Variants in MYOM3 observed in about 807,000 individuals in gnomAD.
MYOM3 encodes myomesin-3.
A neutral mutation model predicts 191.7 loss-of-function variants in MYOM3; 155 were observed. The ratio of observed to expected loss-of-function variants is 0.81; its 90% confidence interval spans 0.71 to 0.92. The LOEUF (loss-of-function observed/expected upper bound fraction) is 0.92. MYOM3 is among the 40% of genes least tolerant of loss of function. MYOM3 has a pLI of 0.00. For missense variants in MYOM3, 1,889 were observed against 1,890.6 expected (o/e 1.00, Z 0.02); for synonymous variants, 757 against 762.9 (o/e 0.99, Z 0.13).
intron 9 of MYOM3, 90 bp from the exon 10 acceptor site, chr1:24,093,198 G>T: frequency 3.7e-6 from 3 of 813,074 alleles, no homozygotes; most frequent in Non-Finnish European, 4.1e-6. Context: ...GGAGACCCTG[G>T]CTGGGCAGAG....
chr1:24,105,738 C>T (rs116486548), intron 5 of MYOM3, among the ~76,000 whole-genome samples, 182 bp downstream of exon 5: 2,416 of 152,252 alleles, frequency 0.016, 66 homozygotes, highest in African/African-American at 0.056. Flanking sequence ...GCAGCCTGAG[C>T]GAGGCCCCGC....
Position 24,099,668 on chromosome 1 carries a change from C to G in MYOM3, c.656+12G>C, listed in dbSNP as rs772204104. The G allele has an allele frequency of 7.5e-6, 12 of 1,607,762 alleles. No individual in the cohort carries two copies. Among genetic ancestry groups the G allele is most frequent in the Non-Finnish European group, 1.0e-5 (12 of 1,174,362 alleles). On this transcript the variant is annotated intron_variant, in intron 6 of 36. Coordinates refer to ENST00000374434, the MANE Select transcript of MYOM3 (RefSeq NM_152372.4). Reference sequence around the variant, plus strand: ...TCTGGGGTCATAGGTCTCTCCAGGTCTCCAGTCTCACCTCCTAATCTCCAG... The same window carrying G: ...TCTGGGGTCATAGGTCTCTCCAGGTGTCCAGTCTCACCTCCTAATCTCCAG...
rs536952431 is a variant in MYOM3, at chr1:24,084,844, C to T, written c.1799-205G>A. Among the ~76,000 whole-genome samples, 5 of 152,314 alleles carry T rather than the reference C, an allele frequency of 3.3e-5. No individual in the cohort carries two copies. The East Asian group carries it at 7.7e-4, about 23-fold the overall frequency. Reference sequence around the variant, plus strand: ...AGTCCTCTCTCCCCTTACCTCTGAGCATCTCTGCTTCCTCACTAAAGCACA... The same window carrying T: ...AGTCCTCTCTCCCCTTACCTCTGAGTATCTCTGCTTCCTCACTAAAGCACA... On this transcript the variant is annotated intron_variant, in intron 15 of 36. Coordinates refer to ENST00000374434, the MANE Select transcript of MYOM3 (RefSeq NM_152372.4).
rs1258968392 is a variant in MYOM3, at chr1:24,098,026, GGGA to G, written c.657-18_657-16del. On this transcript the variant is annotated splice_polypyrimidine_tract_variant and intron_variant, in intron 6 of 36. Coordinates refer to ENST00000374434, the MANE Select transcript of MYOM3 (RefSeq NM_152372.4). ...CAATGGCGCATCTGAAAAGGAGAGA[GGGA>G]GAAGTTCCTCCCAAGACTGCTGGGC... The G allele has an allele frequency of 1.9e-6, 3 of 1,572,410 alleles. No homozygotes were observed. The Admixed American group carries it at 5.0e-5, about 26-fold the overall frequency.
At chr1:24,067,664 G>A (rs1255447092) in intron 27 of MYOM3, among the ~76,000 whole-genome samples, 1 of 152,030 alleles carries the variant, frequency 6.6e-6, no homozygotes, top group Non-Finnish European at 1.5e-5. Flanking sequence ...GTTTCACCAT[G>A]TTGGCCAGGC....
In MYOM3 at chr1:24,090,087, G is replaced by A. The variant is rs776852662; in HGVS notation, c.1464C>T (p.Thr488=). ...TACCTTCAAAAGCGTCTGTGCTGAT[G>A]GTGATCTTGTTTCCCAGATCAAAGG... ...EIPFDLGNKI[T]ISTDAFEDTV... is the part of the protein sequence containing the mutation. The change falls in exon 13 of 37, where the codon ACC becomes ACT. Residue 488 remains threonine, a synonymous_variant. Coordinates refer to ENST00000374434, the MANE Select transcript of MYOM3 (RefSeq NM_152372.4). 21 of 1,614,134 alleles carry A rather than the reference G, an allele frequency of 1.3e-5. 1 individual carries two copies. In the South Asian group the frequency reaches 1.6e-4, roughly 13 times the overall value.
At chr1:24,103,454 A>G (rs1486559432) in intron 5 of MYOM3, among the ~76,000 whole-genome samples, 2 of 152,256 alleles carry the variant, frequency 1.3e-5, no homozygotes, top group Non-Finnish European at 2.9e-5. Context: ...GAAGCATTGT[A>G]TGTGCTTTAA....
intron 5 of MYOM3, among the ~76,000 whole-genome samples, chr1:24,103,474 C>T (rs1643957069): frequency 6.6e-6 from 1 of 152,196 alleles, no homozygotes; most frequent in African/African-American, 2.4e-5. Flanking sequence ...AGGAAAGTAA[C>T]ACTTATAATG....
At chr1:24,070,592 AC>A (rs1296089188) in intron 25 of MYOM3, among the ~76,000 whole-genome samples, 1 of 152,120 alleles carries the variant, frequency 6.6e-6, no homozygotes, top group African/African-American at 2.4e-5. Flanking sequence ...TGTCTCAAAA[AC>A]AAACAAAAAC....
chr1:24,090,067 T>A lies in MYOM3; in HGVS notation c.1484A>T (p.Glu495Val). The change falls in exon 13 of 37, where the codon GAA becomes GTA. Residue 495 changes from glutamate (E) to valine (V), a missense_variant and splice_region_variant. Physicochemically the swap from Glu to Val is moderately radical, Grantham distance 121 (BLOSUM62 -2). Transcript: ENST00000374434. ...GTGTGTGGGAGGATCCCGCGTACCT[T>A]CAAAAGCGTCTGTGCTGATGGTGAT... ...NKITISTDAF[E>V]DTVTIPSPPT... 2 of 1,613,978 alleles carry A rather than the reference T, an allele frequency of 1.2e-6. No homozygotes were observed. The highest frequency in any genetic ancestry group is 1.3e-5 in the African/African-American group (1 of 75,034).
intron 28 of MYOM3, chr1:24,066,493 C>A (rs939482171): frequency 1.7e-5 from 9 of 516,738 alleles, no homozygotes; most frequent in Admixed American, 9.9e-5. Flanking sequence ...CCCCAGTTAT[C>A]TAAACAGGCT....
At chr1:24,092,717 C>G (rs1451167333) in intron 10 of MYOM3, among the ~76,000 whole-genome samples, 10 of 152,188 alleles carry the variant, frequency 6.6e-5, no homozygotes, top group Admixed American at 5.2e-4. Context: ...CCACACTCAG[C>G]TCCCAGCCTC....
chr1:24,076,507 C>A (rs867063861), intron 20 of MYOM3, among the ~76,000 whole-genome samples: 1 of 49,106 alleles, frequency 2.0e-5, no homozygotes, highest in Non-Finnish European at 3.8e-5. Flanking sequence ...CCTAATGTTT[C>A]TTTTTTTTTT....
chr1:24,068,402 T>A, intron 25 of MYOM3, 35 bp from the exon 26 acceptor site: 1 of 1,612,622 alleles, frequency 6.2e-7, no homozygotes, highest in Non-Finnish European at 8.5e-7. Flanking sequence ...CTTTTCCCTG[T>A]TCTGGGAACT....
At chr1:24,068,076 G>A (rs979277807) in intron 26 of MYOM3, 47 bp from the exon 27 acceptor site, 15 of 1,605,120 alleles carry the variant, frequency 9.3e-6, no homozygotes, top group African/African-American at 1.3e-5. Context: ...AGGAGTGTGG[G>A]TCTGGAGAGG....
chr1:24,106,935 G>A (rs1643988241), intron 4 of MYOM3, 138 bp downstream of exon 4: 1 of 810,364 alleles, frequency 1.2e-6, no homozygotes, highest in Non-Finnish European at 1.9e-6. Context: ...CACACCACTG[G>A]AATGTAGGGG....
chr1:24,092,888 G>C, intron 10 of MYOM3, 59 bp downstream of exon 10: 1 of 1,410,894 alleles, frequency 7.1e-7, no homozygotes, highest in Non-Finnish European at 9.3e-7. Context: ...CAGCAAACAA[G>C]GGGCAGAGCC....
At chr1:24,107,623 C>G (rs1314325700) in intron 3 of MYOM3, among the ~76,000 whole-genome samples, 1 of 152,180 alleles carries the variant, frequency 6.6e-6, no homozygotes, top group South Asian at 2.1e-4. Flanking sequence ...CTCTCCACGC[C>G]GGCACACTCA....
chr1:24,077,636 C>G (rs1643617989), intron 20 of MYOM3, among the ~76,000 whole-genome samples: 1 of 152,236 alleles, frequency 6.6e-6, no homozygotes. Flanking sequence ...CAGCATTTAT[C>G]ACGCAGTATT....
Sources: allele counts gnomAD v4.1 joint callset (sites outside exome capture counted in the v4.1 genomes callset), GRCh38; gene constraint gnomAD v4.1.1; transcripts MANE v1.5; gene names NCBI Gene and HGNC (gene_info 2026-07-23, HGNC 2026-07-21).